LMF2: variants seen among roughly 807,000 people sequenced by gnomAD.
LMF2 encodes lipase maturation factor 2, also known as transmembrane protein 112B.
Under a neutral mutation model 81.5 loss-of-function variants are expected in LMF2, and 113 were observed. The observed-to-expected ratio is 1.39, with a 90% CI of 1.19 to 1.62. LMF2 has a LOEUF of 1.62. Ranked by LOEUF, LMF2 falls within the 40% of genes most tolerant of loss-of-function variation. The pLI, the probability that LMF2 is intolerant of heterozygous loss-of-function variation, is 0.00. For missense variants in LMF2, 1,235 were observed against 929.1 expected, an observed-to-expected ratio of 1.33 and a Z score of -4.28; for synonymous variants, 645 against 424.5, an observed-to-expected ratio of 1.52 and a Z score of -6.39.
At chr22:50,507,316 C>T in intron 1 of LMF2, 3 of 608,684 alleles carry the variant, frequency 4.9e-6, no homozygotes, top group Admixed American at 3.0e-5. Flanking sequence ...ACCTGTCCCA[C>T]CAGGTCTGGG....
rs1298987097 is a variant in LMF2 at position 50,506,383 on chromosome 22, A to G, written c.497T>C (p.Leu166Pro). The change falls in exon 4 of 14, where the codon CTC (leucine) becomes CCC (proline). Residue 166 changes from leucine (L) to proline (P), a missense_variant. Transcript: ENST00000474879. ...CAGCCATCGCACCAGCCAGAAGGGG[A>G]GGTCTTCGTGGGGCAGGGCCCCTGC... ...RQAGALPHED[L>P]PFWLVRWLLF... 5.2e-6 allele frequency: 8 copies of G among 1,549,870 alleles called. No individual in the cohort carries two copies. The highest frequency in any genetic ancestry group is 7.0e-6 in the Non-Finnish European group (8 of 1,147,236).
At chr22:50,507,325 G>C in intron 1 of LMF2, 1 of 606,438 alleles carries the variant, frequency 1.6e-6, no homozygotes, top group Non-Finnish European at 2.9e-6. Context: ...ACCAGGTCTG[G>C]GAGGAAGCCT....
At position 50,505,786 on chromosome 22, in the gene LMF2, G is replaced by A. The variant is rs140304820; in HGVS notation, c.804C>T (p.Thr268=). 1.8e-3 allele frequency: 2,972 copies of A among 1,613,184 alleles called. 12 individuals are homozygous for A. The highest frequency in any genetic ancestry group is 1.8e-3 in the Non-Finnish European group (2,097 of 1,179,928). ...TCAGGTTGAAGAAGTTGTAGTTGCC[G>A]GTGATGATAATCAGGACCTGCAGCA... ...QVLLQVLIII[T]GNYNFFNLMT... The change falls in exon 6 of 14, where the codon ACC becomes ACT. Residue 268 remains threonine (T), a synonymous_variant. Transcript: ENST00000474879.
intron 11 of LMF2, 44 bp from the exon 12 acceptor site, chr22:50,504,495 G>GGCCCCCC: frequency 1.2e-5 from 16 of 1,339,570 alleles, no homozygotes; most frequent in Admixed American, 1.9e-5. Context: ...TACCCGCCCT[G>GGCCCCCC]CCCCTCCCCT....
rs749993163 is a variant in LMF2, at chr22:50,505,654, G to A, written c.916+20C>T. 60 of 1,612,310 alleles carry A rather than the reference G, an allele frequency of 3.7e-5. No individual in the cohort carries two copies. In the African/African-American group the frequency reaches 6.9e-4, roughly 19 times the overall value. ...GGGAGAACCCCTGGGAGGGCAGGGG[G>A]CTGGACAAGTGACACGCACAGGTGG... On this transcript the variant is annotated intron_variant, in intron 6 of 13. Coordinates refer to ENST00000474879, the MANE Select transcript of LMF2 (RefSeq NM_033200.3).
chr22:50,507,358 C>A, intron 1 of LMF2: 1 of 609,422 alleles, frequency 1.6e-6, no homozygotes, highest in East Asian at 2.8e-5. Context: ...TCTCAGAGTT[C>A]TGTCCCCCAC....
rs1208430947 is a variant in LMF2, at chr22:50,504,033, C to G, written c.1719-129G>C. The G allele has an allele frequency of 4.5e-6, 4 of 879,164 alleles. No individual in the cohort carries two copies. The Admixed American group carries it at 1.0e-4, about 22-fold the overall frequency. The allele number at this position is 879,164 out of a possible 1,614,324, so 54.5% of individuals were successfully genotyped here. A position where few individuals can be genotyped will look rare whatever the true frequency, so the allele number is the denominator to read the frequency against. On this transcript the variant is annotated intron_variant, in intron 12 of 13. Coordinates refer to ENST00000474879, the MANE Select transcript of LMF2 (RefSeq NM_033200.3). ...TCCCCCCCTGGTGCCCGGCCTTACC[C>G]CTGCACCCCGGGCTCCACACCCCAC...
rs2068537167 is a variant in LMF2 at position 50,505,515 on chromosome 22, G to A, written c.939C>T (p.Ala313=). ...CTAGTTCCAGCAGCAGCGACAGGGT[G>A]GCCAGCAGGGCCTTGGGCCAGGCTG... ...TATSWPKALL[A]TLSLLLELAV... The change falls in exon 7 of 14, where the codon GCC becomes GCT. Residue 313 remains alanine, a synonymous_variant. Transcript: ENST00000474879. 1.2e-6 allele frequency: 2 copies of A among 1,612,606 alleles called. No homozygotes were observed. Among genetic ancestry groups the A allele is most frequent in the East Asian group, 2.2e-5 (1 of 44,888 alleles).
At chr22:50,507,559 T>A (rs1321486702) in intron 1 of LMF2, 23 bp downstream of exon 1, 1 of 1,507,940 alleles carries the variant, frequency 6.6e-7, no homozygotes, top group African/African-American at 1.4e-5. Flanking sequence ...AGGCTGGGGG[T>A]GTCCCACCCT....
At position 50,504,351 on chromosome 22, in the gene LMF2, A is replaced by T; in HGVS notation, c.1707T>A (p.Pro569=). ...AQRYKYWFSQ[P]GEQGQWWRRQ... is the part of the protein sequence containing the mutation. ...GTGCCCAGCCTTACCCCTGCTCCCCAGGCTGGGAGAACCAGTACTTGTAGC... is the reference window on the plus strand; with the variant it reads ...GTGCCCAGCCTTACCCCTGCTCCCCTGGCTGGGAGAACCAGTACTTGTAGC... Residue 569 remains proline, a synonymous_variant, in exon 12 of 14, where the codon CCT becomes CCA. Transcript: ENST00000474879. The T allele has an allele frequency of 6.2e-7, 1 of 1,601,822 alleles. No homozygotes were observed.
At chr22:50,505,958 C>A in intron 5 of LMF2, 77 bp downstream of exon 5, 1 of 1,561,974 alleles carries the variant, frequency 6.4e-7, no homozygotes, top group Non-Finnish European at 8.7e-7. Flanking sequence ...GCCACGCTGT[C>A]CCCAACAGGG....
In LMF2 at chr22:50,507,580, A is replaced by G; in HGVS notation, c.94+2T>C. The G allele has an allele frequency of 6.4e-7, 1 of 1,557,638 alleles. No individual in the cohort carries two copies. Among genetic ancestry groups the G allele is most frequent in the South Asian group, 1.2e-5 (1 of 84,752 alleles). On this transcript the variant is annotated splice_donor_variant, in intron 1 of 13. Transcript: ENST00000474879. LOFTEE classifies it high-confidence loss of function. ...GGGGTGTCCCACCCTGGGTGCCTTCACCTGGGATTTGCGTGTAGAGGGAAG... is the reference window on the plus strand; with the variant it reads ...GGGGTGTCCCACCCTGGGTGCCTTCGCCTGGGATTTGCGTGTAGAGGGAAG...
rs1023632433 is a variant in LMF2, at chr22:50,507,605, G to A, written c.71C>T (p.Ala24Val). Residue 24 changes from alanine to valine, a missense_variant, in exon 1 of 14, where the codon GCT becomes GTT. By Grantham distance (64) the Ala-to-Val change is moderately conservative. Coordinates refer to ENST00000474879, the MANE Select transcript of LMF2 (RefSeq NM_033200.3). ...GVAAVFMFAFASLYTQIPGLY... is the reference protein window; with the variant it reads ...GVAAVFMFAFVSLYTQIPGLY... Reference sequence around the variant, plus strand: ...ACCTGGGATTTGCGTGTAGAGGGAAGCGAAAGCAAACATGAAGACGGCCGC... The same window carrying A: ...ACCTGGGATTTGCGTGTAGAGGGAAACGAAAGCAAACATGAAGACGGCCGC... 17 of 1,564,756 alleles carry A rather than the reference G, an allele frequency of 1.1e-5. No individual in the cohort carries two copies. Among genetic ancestry groups the A allele is most frequent in the African/African-American group, 1.4e-5 (1 of 73,780 alleles).
At position 50,503,160 on chromosome 22, in the gene LMF2, C is replaced by T; in HGVS notation, c.*231G>A. On this transcript the variant is annotated 3_prime_UTR_variant, in exon 14 of 14. Coordinates refer to ENST00000474879, the MANE Select transcript of LMF2 (RefSeq NM_033200.3). The stretch of plus-strand genomic sequence containing the variant: ...TCTTGAGCTTGGTCGTGTTTTCCTC[C>T]TGGGCCAATCACAGAGGCAATAGTG... 1 of 530,890 alleles carries T rather than the reference C, an allele frequency of 1.9e-6. No individual in the cohort carries two copies. The highest frequency in any genetic ancestry group is 2.5e-5 in the South Asian group (1 of 39,692). The allele number at this position is 530,890 out of a possible 1,614,324, so 32.9% of individuals were successfully genotyped here.
intron 1 of LMF2, chr22:50,507,344 C>A: frequency 1.7e-6 from 1 of 605,894 alleles, no homozygotes; most frequent in East Asian, 2.8e-5. Context: ...CTCTCTCCCA[C>A]CTCTCTCAGA....
At chr22:50,504,495 G>GGCCCCCCCCCCCCCCCCCCCCCCC in intron 11 of LMF2, 44 bp from the exon 12 acceptor site, 1 of 1,339,592 alleles carries the variant, frequency 7.5e-7, no homozygotes, top group Non-Finnish European at 1.0e-6. Context: ...TACCCGCCCT[G>GGCCCCCCCCCCCCCCCCCCCCCCC]CCCCTCCCCT....
At position 50,504,934 on chromosome 22, in the gene LMF2, C is replaced by T; in HGVS notation, c.1305G>A (p.Gly435=). ...CCACGGCACCAAACAGGCGGTGGGC[C>T]CCGGTCCAGAGGCGCCCGTGGGTCC... ...EPGTHGRLWT[G]AHRLFGAVEH... Residue 435 remains glycine, a synonymous_variant, in exon 10 of 14, where the codon GGG becomes GGA. Coordinates refer to ENST00000474879, the MANE Select transcript of LMF2 (RefSeq NM_033200.3). 1 of 1,607,536 alleles carries T rather than the reference C, an allele frequency of 6.2e-7. No individual in the cohort carries two copies. Among genetic ancestry groups the T allele is most frequent in the South Asian group, 1.1e-5 (1 of 90,792 alleles).
chr22:50,505,859 G>C (rs2068549384), intron 5 of LMF2, 44 bp from the exon 6 acceptor site: 1 of 1,607,360 alleles, frequency 6.2e-7, no homozygotes, highest in Admixed American at 1.7e-5. Context: ...CTGACGCCTG[G>C]CCCCGTGGCA....
In LMF2 at chr22:50,504,379, T is replaced by C. The variant is rs553512868; in HGVS notation, c.1679A>G (p.Gln560Arg). The C allele has an allele frequency of 5.6e-5, 90 of 1,612,314 alleles. No individual in the cohort carries two copies. In the East Asian group the frequency reaches 2.0e-3, roughly 36 times the overall value. ...CTGGGAGAACCAGTACTTGTAGCGC[T>C]GGGCTCGGACGTAGGTGGGCGGCTG... is the stretch of plus-strand genomic sequence containing the variant. ...HKQPPTYVRA[Q>R]RYKYWFSQPG... Residue 560 changes from glutamine (Q) to arginine (R), a missense_variant, in exon 12 of 14, where the codon CAG (glutamine) becomes CGG (arginine). Physicochemically the swap from Gln to Arg is conservative, Grantham distance 43. Transcript: ENST00000474879.
Sources: gnomAD v4.1 joint callset for allele counts on GRCh38, gnomAD v4.1.1 for gene constraint, MANE v1.5 for transcripts, NCBI Gene and HGNC (gene_info 2026-07-23, HGNC 2026-07-21) for gene names.